NXPH1: variants seen among roughly 807,000 people sequenced by gnomAD.
NXPH1 encodes the protein neurexophilin 1.
In NXPH1, 5 loss-of-function variants were observed where a neutral mutation model predicts 23.7. The observed-to-expected ratio is 0.21, with a 90% CI of 0.11 to 0.44. NXPH1 has a LOEUF of 0.44. Among genes scored for constraint, NXPH1 ranks in the 20% least tolerant of loss-of-function variants. The probability of loss-of-function intolerance (pLI) is 0.99; values close to 1 mark genes in which losing one functional copy is unlikely to be tolerated. For missense variants in NXPH1, 324 were observed against 321.6 expected (o/e 1.01, Z -0.06); for synonymous variants, 144 against 122.2 (o/e 1.18, Z -1.18).
chr7:8,701,998 A>G (rs1779630352), intron 2 of NXPH1, among the ~76,000 whole-genome samples: 1 of 151,748 alleles, frequency 6.6e-6, no homozygotes, highest in African/African-American at 2.4e-5. Flanking sequence ...TTATCTGTTA[A>G]CTATTTGCTT....
intron 2 of NXPH1, among the ~76,000 whole-genome samples, chr7:8,585,298 G>A (rs932931555): frequency 1.3e-5 from 2 of 152,146 alleles, no homozygotes; most frequent in African/African-American, 4.8e-5. Flanking sequence ...CTCTGCCTGT[G>A]GGGTCCAAAT....
At chr7:8,609,811 T>G (rs1237767633) in intron 2 of NXPH1, among the ~76,000 whole-genome samples, 1 of 152,168 alleles carries the variant, frequency 6.6e-6, no homozygotes, top group Non-Finnish European at 1.5e-5. Flanking sequence ...TGCAGTTCCC[T>G]TATATTTTGC....
At chr7:8,721,530 C>T (rs1779970030) in intron 2 of NXPH1, among the ~76,000 whole-genome samples, 1 of 152,192 alleles carries the variant, frequency 6.6e-6, no homozygotes, top group Non-Finnish European at 1.5e-5. Context: ...AATCCCAGCA[C>T]TTTGGGAGGC....
intron 2 of NXPH1, among the ~76,000 whole-genome samples, chr7:8,656,262 CA>C (rs1820580262): frequency 6.6e-6 from 1 of 152,118 alleles, no homozygotes; most frequent in Non-Finnish European, 1.5e-5. Context: ...CTTGCTTTTG[CA>C]TCACAAAAAC....
intron 2 of NXPH1, among the ~76,000 whole-genome samples, chr7:8,529,218 C>T (rs573151091): frequency 6.6e-6 from 1 of 152,312 alleles, no homozygotes; most frequent in African/African-American, 2.4e-5. Context: ...TGGGTTCACC[C>T]AAATAATCTA....
chr7:8,438,589 A>G (rs1273594253), intron 2 of NXPH1, among the ~76,000 whole-genome samples: 4 of 152,208 alleles, frequency 2.6e-5, no homozygotes, highest in Non-Finnish European at 4.4e-5. Flanking sequence ...TTTCCCAGGG[A>G]GTAATCACCA....
At chr7:8,691,863 T>G (rs142374349) in intron 2 of NXPH1, among the ~76,000 whole-genome samples, 27 of 152,226 alleles carry the variant, frequency 1.8e-4, no homozygotes, top group African/African-American at 6.5e-4. Flanking sequence ...GACTATCAAG[T>G]GCTATGTGAA....
intron 2 of NXPH1, among the ~76,000 whole-genome samples, chr7:8,532,870 A>G (rs573502531): frequency 2.0e-5 from 3 of 152,174 alleles, no homozygotes; most frequent in Admixed American, 6.5e-5. Context: ...TTCTCATTTA[A>G]TCCTACTTTC....
chr7:8,472,756 A>G (rs1816889415), intron 2 of NXPH1, among the ~76,000 whole-genome samples: 1 of 152,182 alleles, frequency 6.6e-6, no homozygotes, highest in Non-Finnish European at 1.5e-5. Context: ...TAGGCTGCTG[A>G]AGGAATTGAC....
chr7:8,724,538 T>C (rs1780018790), intron 2 of NXPH1, among the ~76,000 whole-genome samples: 1 of 152,222 alleles, frequency 6.6e-6, no homozygotes, highest in Non-Finnish European at 1.5e-5. Flanking sequence ...TCTGAAAATA[T>C]ATACAAATTT....
At chr7:8,686,675 G>T (rs1302549678) in intron 2 of NXPH1, among the ~76,000 whole-genome samples, 1 of 152,102 alleles carries the variant, frequency 6.6e-6, no homozygotes, top group African/African-American at 2.4e-5. Context: ...GAGACAAGTG[G>T]CATTATTTCA....
intron 2 of NXPH1, among the ~76,000 whole-genome samples, chr7:8,618,852 A>G (rs1272846708): frequency 1.3e-5 from 2 of 152,218 alleles, no homozygotes; most frequent in Non-Finnish European, 2.9e-5. Context: ...CACACTCTAC[A>G]GAATTCAAGG....
At chr7:8,541,599 T>A (rs540606571) in intron 2 of NXPH1, among the ~76,000 whole-genome samples, 1 of 151,542 alleles carries the variant, frequency 6.6e-6, no homozygotes, top group Non-Finnish European at 1.5e-5. Flanking sequence ...GCCACATGGG[T>A]AAATAAAGAA....
chr7:8,656,789 C>T (rs935749944), intron 2 of NXPH1, among the ~76,000 whole-genome samples: 5 of 151,162 alleles, frequency 3.3e-5, no homozygotes, highest in Non-Finnish European at 7.4e-5. Context: ...TGAGAATATG[C>T]GGTGTTTGGT....
chr7:8,492,521 C>A (rs1008895880), intron 2 of NXPH1, among the ~76,000 whole-genome samples: 2 of 151,924 alleles, frequency 1.3e-5, no homozygotes, highest in African/African-American at 4.8e-5. Flanking sequence ...ATCAACTAGG[C>A]CTTTTGACAG....
intron 2 of NXPH1, among the ~76,000 whole-genome samples, chr7:8,590,498 C>A (rs1819069638): frequency 6.6e-6 from 1 of 152,000 alleles, no homozygotes; most frequent in Non-Finnish European, 1.5e-5. Context: ...GATGTCAGGT[C>A]TTTTTACATA....
chr7:8,528,060 G>A (rs1817892806), intron 2 of NXPH1, among the ~76,000 whole-genome samples: 1 of 152,232 alleles, frequency 6.6e-6, no homozygotes, highest in Non-Finnish European at 1.5e-5. Context: ...CTTTGACCTA[G>A]CTCCAAAAGC....
chr7:8,555,386 C>A (rs1818341337), intron 2 of NXPH1, among the ~76,000 whole-genome samples: 1 of 151,598 alleles, frequency 6.6e-6, no homozygotes. Context: ...AGACACCAGG[C>A]AGAAGATACG....
intron 2 of NXPH1, among the ~76,000 whole-genome samples, chr7:8,592,257 G>T (rs191464376): frequency 6.6e-6 from 1 of 152,044 alleles, no homozygotes; most frequent in Non-Finnish European, 1.5e-5. Flanking sequence ...CCTGGGGTAG[G>T]CAGAAGCTTG....
Sources: gnomAD v4.1 joint callset for allele counts (sites outside exome capture counted in the v4.1 genomes callset) on GRCh38, gnomAD v4.1.1 for gene constraint, MANE v1.5 for transcripts, NCBI Gene and HGNC (gene_info 2026-07-23, HGNC 2026-07-21) for gene names.